The following TESK2 variants were observed in gnomAD, a reference collection of about 807,000 sequenced individuals.
The protein encoded by TESK2 is testis associated actin remodelling kinase 2.
TESK2 carries 39 observed loss-of-function variants against 57.1 expected under a neutral mutation model. The ratio of observed to expected loss-of-function variants is 0.68; its 90% CI spans 0.53 to 0.89. TESK2 has a LOEUF of 0.89. Among genes scored for constraint, TESK2 ranks in the 40% least tolerant of loss-of-function variants. The pLI, the probability that TESK2 is intolerant of heterozygous loss-of-function variation, is 0.00. For missense variants in TESK2, 646 were observed against 732.1 expected, an observed-to-expected ratio of 0.88 and a Z score of 1.36; for synonymous variants, 249 against 267.9, an observed-to-expected ratio of 0.93 and a Z score of 0.69.
intron 1 of TESK2, among the ~76,000 whole-genome samples, chr1:45,486,656 C>T (rs1300085869): frequency 6.7e-6 from 1 of 148,776 alleles, no homozygotes; most frequent in Non-Finnish European, 1.5e-5. Flanking sequence ...GCCTGGGTGA[C>T]AGAGCAAGAC....
intron 1 of TESK2, among the ~76,000 whole-genome samples, chr1:45,489,238 G>T (rs2149311005): frequency 6.6e-6 from 1 of 151,954 alleles, no homozygotes; most frequent in East Asian, 1.9e-4. Context: ...CCTTTCTTTG[G>T]CTCCTATTAT....
intron 2 of TESK2, among the ~76,000 whole-genome samples, chr1:45,422,377 CT>C (rs936187572): frequency 3.4e-4 from 51 of 152,024 alleles, no homozygotes; most frequent in African/African-American, 1.0e-3. Flanking sequence ...CCCATGTTTT[CT>C]TTTTTTTAGA....
At chr1:45,376,207 C>T (rs1181318612) in intron 4 of TESK2, among the ~76,000 whole-genome samples, 26 of 132,826 alleles carry the variant, frequency 2.0e-4, no homozygotes, top group Non-Finnish European at 1.6e-5. Context: ...ACATTTCTTT[C>T]TCTCTCTTTT....
rs565350184 is a variant in TESK2, at chr1:45,347,557, A to G, written c.708+52T>C. On this transcript the variant is annotated intron_variant, in intron 7 of 10. Transcript: ENST00000372086. The stretch of plus-strand genomic sequence containing the variant: ...GAGCAACATAGTGAGACCATCTCAA[A>G]AAAAAGAAAAAGAAAAAAGGAGAAT... The G allele has an allele frequency of 1.9e-6, 3 of 1,561,990 alleles. No homozygotes were observed. The South Asian group carries it at 3.4e-5, about 18-fold the overall frequency.
chr1:45,423,763 G>T (rs1230211630), intron 2 of TESK2, among the ~76,000 whole-genome samples: 1 of 152,034 alleles, frequency 6.6e-6, no homozygotes, highest in Non-Finnish European at 1.5e-5. Flanking sequence ...ACTTCTAAAA[G>T]TATTCGCCCT....
At chr1:45,357,442 T>C (rs1647480374) in intron 4 of TESK2, among the ~76,000 whole-genome samples, 1 of 150,710 alleles carries the variant, frequency 6.6e-6, no homozygotes, top group South Asian at 2.1e-4. Flanking sequence ...TTAAGACGAG[T>C]AAGACTGAAG....
At chr1:45,426,997 C>A (rs1197680660) in intron 2 of TESK2, among the ~76,000 whole-genome samples, 2 of 152,116 alleles carry the variant, frequency 1.3e-5, no homozygotes, top group Admixed American at 6.6e-5. Flanking sequence ...AATCCTAGCA[C>A]TTTTGAGAGG....
chr1:45,347,857 A>G (rs887057758), intron 6 of TESK2, 61 bp downstream of exon 6: 2 of 1,506,118 alleles, frequency 1.3e-6, no homozygotes, highest in Non-Finnish European at 1.8e-6. Flanking sequence ...AGGAGGCTAG[A>G]ATTTTCCCTT....
chr1:45,399,097 A>G (rs1445164438), intron 3 of TESK2: 2 of 326,256 alleles, frequency 6.1e-6, no homozygotes, highest in African/African-American at 4.4e-5. Context: ...TGCCTTGTTC[A>G]CAGTTAGTTC....
chr1:45,393,733 C>T (rs554080647), intron 3 of TESK2, among the ~76,000 whole-genome samples: 14 of 135,250 alleles, frequency 1.0e-4, no homozygotes, highest in East Asian at 9.0e-4. Context: ...AGTGAGACTC[C>T]GTCTCAAAAA....
intron 2 of TESK2, among the ~76,000 whole-genome samples, chr1:45,430,867 A>G (rs1222254242): frequency 6.6e-6 from 1 of 152,154 alleles, no homozygotes; most frequent in African/African-American, 2.4e-5. Context: ...GTTGCGTTAT[A>G]TTTGTAGTTA....
intron 4 of TESK2, among the ~76,000 whole-genome samples, chr1:45,371,243 C>T (rs1648166341): frequency 6.6e-6 from 1 of 152,132 alleles, no homozygotes; most frequent in Admixed American, 6.5e-5. Flanking sequence ...TCCAGCAATC[C>T]TACTTCTGGG....
Position 45,344,810 on chromosome 1 carries a change from T to A in TESK2, c.*30A>T, listed in dbSNP as rs2149261579. 6.3e-7 allele frequency: 1 copy of A among 1,579,334 alleles called. No homozygotes were observed. The highest frequency in any genetic ancestry group is 1.3e-5 in the African/African-American group (1 of 74,230). ...CCATATGGTTTCAGCTGAAGGTCCATCCCCAAGGTGAGGCAGGGACTAAAC... is the reference window on the plus strand; with the variant it reads ...CCATATGGTTTCAGCTGAAGGTCCAACCCCAAGGTGAGGCAGGGACTAAAC... On this transcript the variant is annotated 3_prime_UTR_variant, in exon 11 of 11. Coordinates refer to ENST00000372086, the MANE Select transcript of TESK2 (RefSeq NM_007170.3).
chr1:45,420,898 T>A (rs1035443434), intron 3 of TESK2, among the ~76,000 whole-genome samples: 6 of 152,072 alleles, frequency 3.9e-5, no homozygotes, highest in African/African-American at 7.2e-5. Flanking sequence ...AAATTTTTTT[T>A]AAAAAGAAAA....
chr1:45,460,973 A>G (rs554391093), intron 1 of TESK2, among the ~76,000 whole-genome samples: 1 of 152,298 alleles, frequency 6.6e-6, no homozygotes, highest in Non-Finnish European at 1.5e-5. Context: ...GTCTGTTGAT[A>G]ATGTGCTTCA....
At chr1:45,488,316 A>G (rs1411933035) in intron 1 of TESK2, among the ~76,000 whole-genome samples, 1 of 152,188 alleles carries the variant, frequency 6.6e-6, no homozygotes, top group Non-Finnish European at 1.5e-5. Context: ...TAGTGTCTTC[A>G]GTCTCCAAAC....
intron 3 of TESK2, among the ~76,000 whole-genome samples, chr1:45,416,749 C>T (rs1008569598): frequency 6.6e-5 from 10 of 151,886 alleles, no homozygotes; most frequent in South Asian, 2.1e-4. Context: ...CCATCCCATC[C>T]ACTCACCCCA....
intron 3 of TESK2, among the ~76,000 whole-genome samples, chr1:45,396,322 C>T (rs563478170): frequency 6.6e-6 from 1 of 151,744 alleles, no homozygotes; most frequent in Non-Finnish European, 1.5e-5. Context: ...TCTTGAACTC[C>T]TGACCTCAAG....
At chr1:45,426,523 A>G (rs1650698565) in intron 2 of TESK2, among the ~76,000 whole-genome samples, 2 of 152,204 alleles carry the variant, frequency 1.3e-5, no homozygotes, top group African/African-American at 4.8e-5. Context: ...CATCGGGGGA[A>G]ACTCTCCCAT....
Sources: gnomAD v4.1 joint callset for allele counts (sites outside exome capture counted in the v4.1 genomes callset) on GRCh38, gnomAD v4.1.1 for gene constraint, MANE v1.5 for transcripts, NCBI Gene and HGNC (gene_info 2026-07-23, HGNC 2026-07-21) for gene names.